Variants in SMIM40 observed in about 807,000 individuals in gnomAD.
The protein encoded by SMIM40 is small integral membrane protein 40.
chr6:33,325,894 A>G (rs892130132), intron 1 of SMIM40, among the ~76,000 whole-genome samples: 1 of 149,054 alleles, frequency 6.7e-6, no homozygotes, highest in African/African-American at 2.6e-5. Flanking sequence ...ACATGTTTAT[A>G]AGAACATTCT....
intron 1 of SMIM40, among the ~76,000 whole-genome samples, chr6:33,325,844 C>G (rs1373397585): frequency 1.4e-5 from 2 of 142,606 alleles, no homozygotes; most frequent in South Asian, 2.1e-4. Flanking sequence ...GGCGACAGAG[C>G]GAGACTCCGT....
chr6:33,324,883 A>C (rs1771058516), intron 1 of SMIM40, among the ~76,000 whole-genome samples: 1 of 16,870 alleles, frequency 5.9e-5, no homozygotes, highest in Non-Finnish European at 1.0e-4. Context: ...AGATTATCTC[A>C]AAAAAAAAAA....
At chr6:33,326,252 C>G (rs1249329798) in intron 1 of SMIM40, among the ~76,000 whole-genome samples, 11 of 148,530 alleles carry the variant, frequency 7.4e-5, no homozygotes, top group Non-Finnish European at 1.6e-4. Flanking sequence ...CCTCCCACTC[C>G]CGGGTTTAAG....
At chr6:33,324,881 T>C (rs1355886017) in intron 1 of SMIM40, among the ~76,000 whole-genome samples, 1 of 13,908 alleles carries the variant, frequency 7.2e-5, no homozygotes, top group Non-Finnish European at 1.4e-4. Flanking sequence ...CGAGATTATC[T>C]CAAAAAAAAA....
intron 1 of SMIM40, among the ~76,000 whole-genome samples, 186 bp downstream of exon 1, chr6:33,328,801 C>T (rs1372350637): frequency 6.6e-6 from 1 of 151,392 alleles, no homozygotes; most frequent in Non-Finnish European, 1.5e-5. Flanking sequence ...CAGGAGAATC[C>T]CTTGAACCCT....
chr6:33,328,453 T>G (rs3130016), intron 1 of SMIM40, among the ~76,000 whole-genome samples: 85,491 of 151,416 alleles, frequency 0.56, 24,472 homozygotes, highest in African/African-American at 0.65. Context: ...GCCTCCCAAA[T>G]TTCTGGGATT....
At chr6:33,328,747 G>C (rs1771367756) in intron 1 of SMIM40, among the ~76,000 whole-genome samples, 1 of 151,902 alleles carries the variant, frequency 6.6e-6, no homozygotes, top group Admixed American at 6.6e-5. Flanking sequence ...TTAGCAGGGG[G>C]CGGTGGCGCA....
chr6:33,324,545 C>CTTTT (rs9280406), intron 1 of SMIM40, among the ~76,000 whole-genome samples: 28 of 103,180 alleles, frequency 2.7e-4, no homozygotes, highest in African/African-American at 3.6e-4. Context: ...ACCACCTTTT[C>CTTTT]TTTTTTTTTT....
At position 33,329,076 on chromosome 6, in the gene SMIM40, C is replaced by T; in HGVS notation, c.190G>A (p.Gly64Arg). Residue 64 changes from glycine to arginine, a missense_variant, in exon 1 of 3, where the codon GGG becomes AGG. Coordinates refer to ENST00000494082, the MANE Select transcript of SMIM40 (RefSeq NM_001369203.1). ...LLWLLLWAKL[G>R]DWLLGTPQKE... ...TGAGGTGTCCCCAGGAGCCAGTCCCCTAACTTTGCCCATAGTAGTAACCAC... is the reference window on the plus strand; with the variant it reads ...TGAGGTGTCCCCAGGAGCCAGTCCCTTAACTTTGCCCATAGTAGTAACCAC... The T allele has an allele frequency of 2.5e-6, 1 of 398,716 alleles. No individual in the cohort carries two copies. Among genetic ancestry groups the T allele is most frequent in the Non-Finnish European group, 4.4e-6 (1 of 226,176 alleles). 24.7% of individuals were successfully genotyped at this position (398,716 alleles called of 1,614,324 possible).
chr6:33,324,690 C>G (rs1466030804), intron 1 of SMIM40, among the ~76,000 whole-genome samples: 1 of 148,704 alleles, frequency 6.7e-6, no homozygotes, highest in African/African-American at 2.5e-5. Flanking sequence ...CGAGACCATC[C>G]TGGCCAACAT....
Sources: allele counts gnomAD v4.1 joint callset (sites outside exome capture counted in the v4.1 genomes callset), GRCh38; gene constraint gnomAD v4.1.1; transcripts MANE v1.5; gene names NCBI Gene and HGNC (gene_info 2026-07-23, HGNC 2026-07-21).